The following SNX29 variants were observed in gnomAD, a reference collection of about 807,000 sequenced individuals.
SNX29 encodes sorting nexin-29.
Under a neutral mutation model 102.1 loss-of-function variants are expected in SNX29, and 78 were observed. The observed-to-expected ratio is 0.76, with a 90% confidence interval of 0.64 to 0.92. The LOEUF (loss-of-function observed/expected upper bound fraction) is 0.92. Ranked by LOEUF, SNX29 falls within the 40% of genes least tolerant of loss-of-function variation. The probability of loss-of-function intolerance (pLI) is 0.00; values close to 1 mark genes in which losing one functional copy is unlikely to be tolerated. For synonymous variants in SNX29, 580 were observed against 414.5 expected (o/e 1.40, Z -4.85); for missense variants, 1,280 against 1,061.7 (o/e 1.21, Z -2.86).
At chr16:12,340,666 G>C (rs529725140) in intron 15 of SNX29, among the ~76,000 whole-genome samples, 1 of 152,194 alleles carries the variant, frequency 6.6e-6, no homozygotes, top group Non-Finnish European at 1.5e-5. Context: ...CTAGAACTGC[G>C]AGAACAGTCG....
intron 18 of SNX29, among the ~76,000 whole-genome samples, chr16:12,450,811 C>T (rs189582536): frequency 2.0e-5 from 3 of 152,136 alleles, no homozygotes; most frequent in Non-Finnish European, 2.9e-5. Flanking sequence ...AACCTAGGGT[C>T]GATCAGGGAC....
chr16:12,527,699 A>G (rs867494838), intron 20 of SNX29, among the ~76,000 whole-genome samples: 1 of 152,064 alleles, frequency 6.6e-6, no homozygotes, highest in Non-Finnish European at 1.5e-5. Context: ...GGTGTTTGGC[A>G]CCATAGCCCG....
intron 15 of SNX29, among the ~76,000 whole-genome samples, chr16:12,338,804 C>T (rs1296843346): frequency 6.6e-6 from 1 of 152,162 alleles, no homozygotes; most frequent in Non-Finnish European, 1.5e-5. Flanking sequence ...CCAGACCCAC[C>T]TTCCATGTGG....
intron 15 of SNX29, among the ~76,000 whole-genome samples, chr16:12,294,052 A>C (rs2079894780): frequency 6.6e-6 from 1 of 152,166 alleles, no homozygotes; most frequent in Admixed American, 6.5e-5. Flanking sequence ...CTCTCCGGGG[A>C]GGAGAACTTT....
intron 13 of SNX29, among the ~76,000 whole-genome samples, chr16:12,188,503 G>T (rs1362383151): frequency 6.6e-6 from 1 of 152,148 alleles, no homozygotes; most frequent in East Asian, 1.9e-4. Flanking sequence ...TGTTAAGTTT[G>T]GAACCCTGTG....
chr16:12,243,076 G>A (rs370347852), intron 14 of SNX29, among the ~76,000 whole-genome samples: 2 of 152,224 alleles, frequency 1.3e-5, no homozygotes, highest in African/African-American at 4.8e-5. Context: ...GTCCTGGCCT[G>A]TGGGCTGGAA....
rs564970853 is a variant in SNX29 at position 12,547,555 on chromosome 16, T to G, written c.2319-20951T>G. 2.8e-3 allele frequency among the ~76,000 whole-genome samples: 419 copies of G among 152,216 alleles called. 1 individual carries two copies. Among genetic ancestry groups the G allele is most frequent in the African/African-American group, 9.8e-3 (407 of 41,526 alleles). On this transcript the variant is annotated intron_variant, in intron 20 of 20. Coordinates refer to ENST00000566228, the MANE Select transcript of SNX29 (RefSeq NM_032167.5). ...ACTGGAAGAACAGAGTCCTGAGCTG[T>G]GGTTAACATCCCCCTCCCTCACGAG...
rs1426168818 is a variant in SNX29 at position 12,572,167 on chromosome 16, C to G, written c.*3538C>G. On this transcript the variant is annotated 3_prime_UTR_variant, in exon 21 of 21. Coordinates refer to ENST00000566228, the MANE Select transcript of SNX29 (RefSeq NM_032167.5). ...GCTTATTAAGATCAATTTTGATAAC[C>G]ATGTAATTTCTTAGAACCATGGCAG... is the stretch of plus-strand genomic sequence containing the variant. 5.1e-6 allele frequency: 5 copies of G among 981,110 alleles called. No homozygotes were observed. Among genetic ancestry groups the G allele is most frequent in the South Asian group, 9.9e-5 (2 of 20,282 alleles). The allele number at this position is 981,110 out of a possible 1,614,324, so 60.8% of individuals were successfully genotyped here. A position where few individuals can be genotyped will look rare whatever the true frequency, so the allele number is the denominator to read the frequency against.
At chr16:12,322,940 G>T (rs2080993012) in intron 15 of SNX29, among the ~76,000 whole-genome samples, 1 of 138,132 alleles carries the variant, frequency 7.2e-6, no homozygotes, top group South Asian at 2.6e-4. Flanking sequence ...CTGTCAGGAT[G>T]CGGTCACTGG....
At chr16:12,028,997 C>T (rs1341232450) in intron 4 of SNX29, among the ~76,000 whole-genome samples, 2 of 152,170 alleles carry the variant, frequency 1.3e-5, no homozygotes, top group African/African-American at 4.8e-5. Context: ...CTGCTCACTT[C>T]GGCCTTCCAG....
rs571173925 is a variant in SNX29, at chr16:12,437,623, C to G, written c.2037+34094C>G. Among the ~76,000 whole-genome samples the G allele has an allele frequency of 2.0e-5, 3 of 152,296 alleles. No homozygotes were observed. The South Asian group carries it at 6.2e-4, about 32-fold the overall frequency. The stretch of plus-strand genomic sequence containing the variant: ...GTTCTGAGTCCTTTCCCCTCTTGAC[C>G]CTGGCTCCTTCCCCACCCATAGCTG... On this transcript the variant is annotated intron_variant, in intron 18 of 20. Coordinates refer to ENST00000566228, the MANE Select transcript of SNX29 (RefSeq NM_032167.5).
chr16:12,494,039 T>C (rs1195180442), intron 19 of SNX29, among the ~76,000 whole-genome samples: 1 of 152,216 alleles, frequency 6.6e-6, no homozygotes, highest in Non-Finnish European at 1.5e-5. Flanking sequence ...TCTTATTTGT[T>C]TCTAGGATCA....
intron 7 of SNX29, among the ~76,000 whole-genome samples, chr16:12,050,717 CTT>C (rs559965302): frequency 1.4e-5 from 2 of 146,688 alleles, no homozygotes; most frequent in African/African-American, 2.5e-5. Context: ...ATTTCTGCCA[CTT>C]TTTTTTTTTG....
At chr16:12,549,716 G>C (rs1001805830) in intron 20 of SNX29, among the ~76,000 whole-genome samples, 15 of 152,212 alleles carry the variant, frequency 9.9e-5, no homozygotes. Flanking sequence ...GGCCAGGAGA[G>C]TCACCCTACA....
intron 20 of SNX29, among the ~76,000 whole-genome samples, chr16:12,556,127 C>CTCAAAGTGATGG (rs1038927814): frequency 6.6e-5 from 10 of 152,246 alleles, no homozygotes; most frequent in African/African-American, 2.4e-4. Context: ...CTCTTATGTT[C>CTCAAAGTGATGG]TCAAAGTGAT....
rs541638157 is a variant in SNX29, at chr16:12,032,206, T to C, written c.247+4762T>C. 4.1e-3 allele frequency among the ~76,000 whole-genome samples: 615 copies of C among 149,266 alleles called. 3 individuals carry two copies. Among genetic ancestry groups the C allele is most frequent in the African/African-American group, 0.011 (439 of 40,846 alleles). ...GAATTTCCTTCTTCTTCTTCTTCTT[T>C]TTTTTTTTTTTTTTGATGGAGCCTT... On this transcript the variant is annotated intron_variant, in intron 4 of 20. Coordinates refer to ENST00000566228, the MANE Select transcript of SNX29 (RefSeq NM_032167.5).
chr16:12,571,168 C>T lies in SNX29; in HGVS notation c.*2539C>T, dbSNP rs1460400879. The T allele has an allele frequency of 4.3e-6, 1 of 232,682 alleles. No individual in the cohort carries two copies. Among genetic ancestry groups the T allele is most frequent in the East Asian group, 6.1e-5 (1 of 16,506 alleles). The allele number at this position is 232,682 out of a possible 1,614,324, so 14.4% of individuals were successfully genotyped here. A position where few individuals can be genotyped will look rare whatever the true frequency, so the allele number is the denominator to read the frequency against. ...TGCTGCTCAGAAGAATCCCGTCCTG[C>T]TCTCTAGTGTGGTGGGATGAACTTC... On this transcript the variant is annotated 3_prime_UTR_variant, in exon 21 of 21. Coordinates refer to ENST00000566228, the MANE Select transcript of SNX29 (RefSeq NM_032167.5).
At chr16:12,364,874 C>T (rs2082415631) in intron 16 of SNX29, among the ~76,000 whole-genome samples, 1 of 152,292 alleles carries the variant, frequency 6.6e-6, no homozygotes, top group Non-Finnish European at 1.5e-5. Context: ...CGGCTCCTTC[C>T]CCACCACCTC....
rs141440809 is a variant in SNX29 at position 12,308,780 on chromosome 16, G to A, written c.1782+30744G>A. Among the ~76,000 whole-genome samples the A allele has an allele frequency of 2.6e-3, 402 of 152,246 alleles. 1 individual carries two copies. The highest frequency in any genetic ancestry group is 9.5e-3 in the African/African-American group (393 of 41,538). ...CTCAGCTGGAGAGTCTTGACAACAT[G>A]TAAGGATTTATTTATCTAATGAGCA... On this transcript the variant is annotated intron_variant, in intron 15 of 20. Coordinates refer to ENST00000566228, the MANE Select transcript of SNX29 (RefSeq NM_032167.5).
Sources: gnomAD v4.1 joint callset for allele counts (sites outside exome capture counted in the v4.1 genomes callset) on GRCh38, gnomAD v4.1.1 for gene constraint, MANE v1.5 for transcripts, NCBI Gene and HGNC (gene_info 2026-07-23, HGNC 2026-07-21) for gene names.